POMT2: variants seen among roughly 807,000 people sequenced by gnomAD.
POMT2 encodes the protein protein O-mannosyltransferase 2, also known as protein O-mannosyl-transferase 2.
A neutral mutation model predicts 100.0 loss-of-function variants in POMT2; 75 were observed. That is an observed-to-expected ratio of 0.75 (90% CI 0.62 to 0.91). The LOEUF (loss-of-function observed/expected upper bound fraction) is 0.91, where lower values mean the gene tolerates loss of function less well. Ranked by LOEUF, POMT2 falls within the 40% of genes least tolerant of loss-of-function variation. POMT2 has a pLI of 0.00. For missense variants in POMT2, 940 were observed against 955.1 expected, an observed-to-expected ratio of 0.98 and a Z score of 0.21; for synonymous variants, 378 against 374.1, an observed-to-expected ratio of 1.01 and a Z score of -0.12.
At chr14:77,305,131 T>C (rs1444467543) in intron 3 of POMT2, among the ~76,000 whole-genome samples, 1 of 152,192 alleles carries the variant, frequency 6.6e-6, no homozygotes, top group East Asian at 1.9e-4. Flanking sequence ...ATGAGTGTTA[T>C]TAACACACAG....
At chr14:77,296,901 A>G (rs942088182) in intron 8 of POMT2, among the ~76,000 whole-genome samples, 1 of 152,212 alleles carries the variant, frequency 6.6e-6, no homozygotes, top group Non-Finnish European at 1.5e-5. Flanking sequence ...AGTGGACCAG[A>G]AGAATTACAC....
chr14:77,291,535 T>C (rs758548864), intron 9 of POMT2, 155 bp from the exon 10 acceptor site: 67 of 998,658 alleles, frequency 6.7e-5, no homozygotes, highest in Non-Finnish European at 9.6e-5. Flanking sequence ...TGTTTCCCAA[T>C]GGGGCTCATA....
At chr14:77,288,086 C>T (rs978951038) in intron 11 of POMT2, among the ~76,000 whole-genome samples, 1 of 152,160 alleles carries the variant, frequency 6.6e-6, no homozygotes, top group African/African-American at 2.4e-5. Context: ...TTTGGGTGAG[C>T]CTAGGTTTGA....
chr14:77,300,775 G>A (rs1891003245), intron 6 of POMT2: 1 of 326,068 alleles, frequency 3.1e-6, no homozygotes, highest in Non-Finnish European at 5.9e-6. Flanking sequence ...AGCCAAGATC[G>A]GCCCACTGCA....
chr14:77,285,487 G>A lies in POMT2; in HGVS notation c.1478C>T (p.Pro493Leu), dbSNP rs727503874. Residue 493 changes from proline to leucine, a missense_variant, in exon 13 of 21, where the codon CCC becomes CTC. Pro to Leu is a moderately conservative substitution (Grantham distance 98). Coordinates refer to ENST00000261534, the MANE Select transcript of POMT2 (RefSeq NM_013382.7). ...CAAAACCCTAGAGACTTACCACTTG[G>A]GCAGAACCTTTCCCGAGGAGCCCAG... ...CVLGSSGKVLPKWGWEQLEVT... is the reference protein window; with the variant it reads ...CVLGSSGKVLLKWGWEQLEVT... 6.2e-7 allele frequency: 1 copy of A among 1,613,982 alleles called. No individual in the cohort carries two copies.
At chr14:77,319,846 G>C (rs1222990534) in intron 1 of POMT2, among the ~76,000 whole-genome samples, 2 of 152,220 alleles carry the variant, frequency 1.3e-5, no homozygotes, top group Non-Finnish European at 2.9e-5. Flanking sequence ...AACCCTGACA[G>C]TCTGTTTTCT....
chr14:77,320,882 G>GT lies in POMT2; in HGVS notation c.-202_-201insA, dbSNP rs1269622996. 1 of 1,130,938 alleles carries GT rather than the reference G, an allele frequency of 8.8e-7. No homozygotes were observed. The highest frequency in any genetic ancestry group is 1.2e-6 in the Non-Finnish European group (1 of 861,752). The allele number at this position is 1,130,938 out of a possible 1,614,324, so 70.1% of individuals were successfully genotyped here. A position where few individuals can be genotyped will look rare whatever the true frequency, so the allele number is the denominator to read the frequency against. ...GGGCCGCTAGGAGGCGGCAGGAGGC[G>GT]CAGAGCATGTCGGGACCGGGAGGGC... On this transcript the variant is annotated 5_prime_UTR_variant, in exon 1 of 21. Coordinates refer to ENST00000261534, the MANE Select transcript of POMT2 (RefSeq NM_013382.7).
At chr14:77,302,784 T>C in intron 5 of POMT2, 51 bp downstream of exon 5, 1 of 1,497,736 alleles carries the variant, frequency 6.7e-7, no homozygotes, top group East Asian at 2.3e-5. Context: ...ACAGAAATTT[T>C]GGAGTTGCCA....
chr14:77,304,869 C>T, intron 3 of POMT2, 69 bp from the exon 4 acceptor site: 1 of 1,543,656 alleles, frequency 6.5e-7, no homozygotes, highest in Admixed American at 2.0e-5. Flanking sequence ...GGACTCAGTA[C>T]AACCTAACAT....
At chr14:77,305,932 G>T (rs924067906) in intron 3 of POMT2, among the ~76,000 whole-genome samples, 6 of 152,222 alleles carry the variant, frequency 3.9e-5, no homozygotes, top group Non-Finnish European at 7.3e-5. Context: ...AAGGCTCTGA[G>T]ATGTAGGCAA....
At chr14:77,285,375 C>T in intron 13 of POMT2, 106 bp downstream of exon 13, 2 of 1,457,044 alleles carry the variant, frequency 1.4e-6, no homozygotes, top group Non-Finnish European at 1.9e-6. Flanking sequence ...TAAGAACAAG[C>T]AGACAGCAGG....
At position 77,320,501 on chromosome 14, in the gene POMT2, G is replaced by A. The variant is rs774150334; in HGVS notation, c.181C>T (p.Leu61=). 3.2e-6 allele frequency: 5 copies of A among 1,547,070 alleles called. No homozygotes were observed. The highest frequency in any genetic ancestry group is 2.6e-6 in the Non-Finnish European group (3 of 1,149,468). Reference sequence around the variant, plus strand: ...AAGGACAGCAGCGTCACCAAGGCCAGCAGGGCCCACCAGCCGACCGCCTCG... The same window carrying A: ...AAGGACAGCAGCGTCACCAAGGCCAACAGGGCCCACCAGCCGACCGCCTCG... ...RFEAVGWWAL[L]ALVTLLSFAT... The change falls in exon 1 of 21, where the codon CTG becomes TTG. Residue 61 remains leucine (L), a synonymous_variant. Transcript: ENST00000261534.
rs1384689684 is a variant in POMT2, at chr14:77,275,068, ATCT to A, written c.*2305_*2307del. ...CTGGAGGTTGAATTGGCTGACGAACATCTTCTTCCTCCACCAGCAGTTTGTGGG... is the reference window on the plus strand; with the variant it reads ...CTGGAGGTTGAATTGGCTGACGAACATCTTCCTCCACCAGCAGTTTGTGGG... On this transcript the variant is annotated 3_prime_UTR_variant, in exon 21 of 21. Coordinates refer to ENST00000261534, the MANE Select transcript of POMT2 (RefSeq NM_013382.7). The A allele has an allele frequency of 2.0e-5, 3 of 152,176 alleles. No homozygotes were observed. Among genetic ancestry groups the A allele is most frequent in the Non-Finnish European group, 2.9e-5 (2 of 68,034 alleles). 9.4% of individuals were successfully genotyped at this position (152,176 alleles called of 1,614,324 possible). A position where few individuals can be genotyped will look rare whatever the true frequency, so the allele number is the denominator to read the frequency against.
intron 10 of POMT2, among the ~76,000 whole-genome samples, chr14:77,290,697 TG>T (rs1387829118): frequency 6.6e-6 from 1 of 152,228 alleles, no homozygotes; most frequent in Non-Finnish European, 1.5e-5. Flanking sequence ...CTCTAGCTCT[TG>T]CTCTGTCATA....
chr14:77,299,991 G>A (rs1392533641), intron 6 of POMT2: 1 of 287,614 alleles, frequency 3.5e-6, no homozygotes, highest in Non-Finnish European at 6.8e-6. Context: ...GGCCTTCCTG[G>A]ATTGCCTGGG....
At position 77,279,843 on chromosome 14, in the gene POMT2, C is replaced by T. The variant is rs369365744; in HGVS notation, c.1871G>A (p.Arg624Gln). The change falls in exon 18 of 21, where the codon CGG becomes CAG. Residue 624 changes from arginine (R) to glutamine (Q), a missense_variant. Coordinates refer to ENST00000261534, the MANE Select transcript of POMT2 (RefSeq NM_013382.7). ...IIAVAMQRGA[R>Q]LPAEVAGLSQ... The stretch of plus-strand genomic sequence containing the variant: ...CTGACCTGCAACCTCCGCTGGCAGC[C>T]GTGCCCCTCTCTGCATGGCTACAGC... 1.1e-4 allele frequency: 173 copies of T among 1,613,654 alleles called. No homozygotes were observed. In the Middle Eastern group the frequency reaches 1.2e-3, roughly 11 times the overall value.
chr14:77,306,413 C>T lies in POMT2; in HGVS notation c.362G>A (p.Ser121Asn), dbSNP rs751523881. Residue 121 changes from serine (S) to asparagine (N), a missense_variant, in exon 3 of 21, where the codon AGT becomes AAT. Coordinates refer to ENST00000261534, the MANE Select transcript of POMT2 (RefSeq NM_013382.7). ...GAACAAAAAGGTACCATCATATCCACTCAGGTAGCCAGCAAGACCTATCAG... is the reference window on the plus strand; with the variant it reads ...GAACAAAAAGGTACCATCATATCCATTCAGGTAGCCAGCAAGACCTATCAG... ...KMLIGLAGYLSGYDGTFLFQK... is the reference protein window; with the variant it reads ...KMLIGLAGYLNGYDGTFLFQK... 1 of 1,612,996 alleles carries T rather than the reference C, an allele frequency of 6.2e-7. No homozygotes were observed. Among genetic ancestry groups the T allele is most frequent in the Non-Finnish European group, 8.5e-7 (1 of 1,179,056 alleles).
In POMT2 at chr14:77,296,475, C is replaced by T. The variant is rs1228017720; in HGVS notation, c.1007-202G>A. The T allele has an allele frequency of 5.1e-6, 3 of 587,968 alleles. No individual in the cohort carries two copies. The African/African-American group carries it at 5.6e-5, about 11-fold the overall frequency. The allele number at this position is 587,968 out of a possible 1,614,324, so 36.4% of individuals were successfully genotyped here. A position where few individuals can be genotyped will look rare whatever the true frequency, so the allele number is the denominator to read the frequency against. On this transcript the variant is annotated intron_variant, in intron 8 of 20. Transcript: ENST00000261534. Reference sequence around the variant, plus strand: ...CCACAGGGCCCACTTACTCCCCCGCCTCCTGAGGGCTTCAGAAGAAGCTTG... The same window carrying T: ...CCACAGGGCCCACTTACTCCCCCGCTTCCTGAGGGCTTCAGAAGAAGCTTG...
At chr14:77,279,534 T>C (rs771753894) in intron 18 of POMT2, 1 of 562,894 alleles carries the variant, frequency 1.8e-6, no homozygotes, top group South Asian at 1.5e-5. Context: ...CTCTATCACT[T>C]ACTAGCTGTA....
Sources: allele counts gnomAD v4.1 joint callset (sites outside exome capture counted in the v4.1 genomes callset), GRCh38; gene constraint gnomAD v4.1.1; transcripts MANE v1.5; gene names NCBI Gene and HGNC (gene_info 2026-07-23, HGNC 2026-07-21).